SLIT3: variants seen among roughly 807,000 people sequenced by gnomAD.
The protein encoded by SLIT3 is slit homolog 3 protein.
A neutral mutation model predicts 184.0 loss-of-function variants in SLIT3; 68 were observed. The ratio of observed to expected loss-of-function variants is 0.37; its 90% CI spans 0.30 to 0.45. The LOEUF (loss-of-function observed/expected upper bound fraction) is 0.45, where lower values mean the gene tolerates loss of function less well. SLIT3 is among the 20% of genes least tolerant of loss of function. The probability of loss-of-function intolerance (pLI) is 1.00; values close to 1 mark genes in which losing one functional copy is unlikely to be tolerated. For synonymous variants in SLIT3, 831 were observed against 828.6 expected, an observed-to-expected ratio of 1.00 and a Z score of -0.05; for missense variants, 1,707 against 2,026.0, an observed-to-expected ratio of 0.84 and a Z score of 3.02.
At chr5:168,890,491 T>A (rs904064364) in intron 4 of SLIT3, among the ~76,000 whole-genome samples, 2 of 152,204 alleles carry the variant, frequency 1.3e-5, no homozygotes, top group African/African-American at 4.8e-5. Flanking sequence ...TCTGATCAGA[T>A]AGACCATGAA....
At chr5:168,813,978 C>T (rs1757247474) in intron 8 of SLIT3, among the ~76,000 whole-genome samples, 1 of 152,188 alleles carries the variant, frequency 6.6e-6, no homozygotes, top group African/African-American at 2.4e-5. Context: ...CTCTTTTCCT[C>T]CTGAGTGGAT....
chr5:168,826,052 T>A (rs1349762777), intron 6 of SLIT3, among the ~76,000 whole-genome samples: 1 of 152,182 alleles, frequency 6.6e-6, no homozygotes, highest in Non-Finnish European at 1.5e-5. Context: ...TCATTCAACA[T>A]CAGGTGGAGT....
chr5:168,809,670 C>T (rs1654363387), intron 8 of SLIT3, among the ~76,000 whole-genome samples: 1 of 152,156 alleles, frequency 6.6e-6, no homozygotes, highest in Non-Finnish European at 1.5e-5. Flanking sequence ...TGGTCTTAAT[C>T]ACTGGTGTAC....
chr5:169,019,071 A>G (rs1756501701), intron 4 of SLIT3, among the ~76,000 whole-genome samples: 1 of 152,222 alleles, frequency 6.6e-6, no homozygotes, highest in Non-Finnish European at 1.5e-5. Flanking sequence ...ACAGGGCTAC[A>G]TCTTTCATAG....
intron 4 of SLIT3, among the ~76,000 whole-genome samples, chr5:169,006,731 G>T (rs983781450): frequency 6.6e-6 from 1 of 152,056 alleles, no homozygotes. Context: ...ACCTCCATTT[G>T]TCTTTTCCTC....
chr5:169,024,983 T>G (rs1022303448), intron 4 of SLIT3: 5 of 152,156 alleles, frequency 3.3e-5, no homozygotes, highest in African/African-American at 1.2e-4. Context: ...TTACTTCTCA[T>G]GGGGAAACTG....
chr5:169,134,898 C>G (rs1382717003), intron 4 of SLIT3, among the ~76,000 whole-genome samples: 2 of 152,166 alleles, frequency 1.3e-5, no homozygotes, highest in African/African-American at 4.8e-5. Context: ...TAAGGCCTAC[C>G]TCCTCCACAA....
chr5:168,793,816 T>G (rs1376466362), intron 10 of SLIT3, among the ~76,000 whole-genome samples: 43 of 150,918 alleles, frequency 2.8e-4, no homozygotes, highest in Admixed American at 2.8e-3. Flanking sequence ...GGGGGATGCA[T>G]GGAGAGCGGG....
chr5:168,943,957 C>A (rs148272750), intron 4 of SLIT3, among the ~76,000 whole-genome samples: 66 of 152,298 alleles, frequency 4.3e-4, no homozygotes, highest in African/African-American at 1.6e-3. Context: ...AATCCCTAAG[C>A]AGTAATTCAA....
At chr5:168,992,269 G>A (rs551001109) in intron 4 of SLIT3, among the ~76,000 whole-genome samples, 1 of 152,306 alleles carries the variant, frequency 6.6e-6, no homozygotes, top group African/African-American at 2.4e-5. Context: ...CAGCCAAGGA[G>A]TCTGTGGAAA....
At chr5:168,967,662 G>A (rs911542200) in intron 4 of SLIT3, among the ~76,000 whole-genome samples, 2 of 139,208 alleles carry the variant, frequency 1.4e-5, no homozygotes, top group African/African-American at 5.0e-5. Flanking sequence ...GGATGGTCTC[G>A]ATCTCCTGAC....
At chr5:168,813,575 C>A (rs1757236798) in intron 8 of SLIT3, among the ~76,000 whole-genome samples, 1 of 152,216 alleles carries the variant, frequency 6.6e-6, no homozygotes, top group Admixed American at 6.5e-5. Context: ...TATTTCCCCA[C>A]CCTTGTGAAA....
chr5:168,866,551 C>A (rs1209076524), intron 5 of SLIT3, among the ~76,000 whole-genome samples: 1 of 152,244 alleles, frequency 6.6e-6, no homozygotes, highest in African/African-American at 2.4e-5. Context: ...CCAACACAGA[C>A]AACAGACACT....
intron 4 of SLIT3, among the ~76,000 whole-genome samples, chr5:169,141,746 G>GA (rs55972468): frequency 0.23 from 27,049 of 119,120 alleles, 2,602 homozygotes; most frequent in South Asian, 0.35. Flanking sequence ...CTCAAAAAAA[G>GA]AAAAAAAAAA....
At chr5:169,195,153 G>A (rs756713725) in intron 3 of SLIT3, among the ~76,000 whole-genome samples, 2 of 152,132 alleles carry the variant, frequency 1.3e-5, no homozygotes, top group Non-Finnish European at 1.5e-5. Flanking sequence ...TAGAAAAGGT[G>A]AGCTTCTCCC....
At chr5:168,878,114 T>C (rs1168801322) in intron 5 of SLIT3, among the ~76,000 whole-genome samples, 1 of 152,212 alleles carries the variant, frequency 6.6e-6, no homozygotes, top group South Asian at 2.1e-4. Flanking sequence ...ACAGTCTCTC[T>C]AAGGGTCTCT....
intron 1 of SLIT3, among the ~76,000 whole-genome samples, chr5:169,276,573 A>C (rs1766815499): frequency 6.6e-6 from 1 of 152,152 alleles, no homozygotes; most frequent in African/African-American, 2.4e-5. Context: ...CAAATCTTGC[A>C]CTTACCTGCA....
At chr5:169,257,220 C>T (rs1765989440) in intron 1 of SLIT3, among the ~76,000 whole-genome samples, 1 of 152,104 alleles carries the variant, frequency 6.6e-6, no homozygotes, top group African/African-American at 2.4e-5. Context: ...AAACTTTCTG[C>T]CCCATCCTTT....
chr5:168,696,249 ACACCCCTC>A, intron 28 of SLIT3, 35 bp downstream of exon 28: 1 of 1,611,620 alleles, frequency 6.2e-7, no homozygotes, highest in Non-Finnish European at 8.5e-7. Context: ...TATTCTAGCG[ACACCCCTC>A]CACCCCACCA....
Sources: allele counts gnomAD v4.1 joint callset (sites outside exome capture counted in the v4.1 genomes callset), GRCh38; gene constraint gnomAD v4.1.1; transcripts MANE v1.5; gene names NCBI Gene and HGNC (gene_info 2026-07-23, HGNC 2026-07-21).